RPUSD4: variants seen among roughly 807,000 people sequenced by gnomAD.
RPUSD4 encodes pseudouridylate synthase RPUSD4, mitochondrial.
Under a neutral mutation model 35.4 loss-of-function variants are expected in RPUSD4, and 37 were observed. The ratio of observed to expected loss-of-function variants is 1.04; its 90% CI spans 0.80 to 1.37. The LOEUF (loss-of-function observed/expected upper bound fraction) is 1.37, where lower values mean the gene tolerates loss of function less well. Among genes scored for constraint, RPUSD4 ranks in the 40% most tolerant of loss-of-function variants. The pLI is 0.00. For missense variants in RPUSD4, 507 were observed against 484.9 expected, an observed-to-expected ratio of 1.05 and a Z score of -0.43; for synonymous variants, 210 against 192.7, an observed-to-expected ratio of 1.09 and a Z score of -0.74.
Position 126,204,280 on chromosome 11 carries a change from G to A in RPUSD4, c.845C>T (p.Pro282Leu). ...TGAGTACTTGTGATCACCAAGGATT[G>A]GACAATCCAATCCAAAAGACAAGTG... Reference protein sequence around the residue: ...RVHLSFGLDCPILGDHKYSDW... With the variant: ...RVHLSFGLDCLILGDHKYSDW... Residue 282 changes from proline to leucine, a missense_variant, in exon 6 of 7, where the codon CCA becomes CTA. Physicochemically the swap from Pro to Leu is moderately conservative, Grantham distance 98. Coordinates refer to ENST00000298317, the MANE Select transcript of RPUSD4 (RefSeq NM_032795.3). 6.2e-7 allele frequency: 1 copy of A among 1,613,652 alleles called. No individual in the cohort carries two copies. Among genetic ancestry groups the A allele is most frequent in the Non-Finnish European group, 8.5e-7 (1 of 1,179,912 alleles).
intron 3 of RPUSD4, 104 bp downstream of exon 3, chr11:126,209,417 G>A: frequency 1.1e-6 from 1 of 935,720 alleles, no homozygotes; most frequent in African/African-American, 1.6e-5. Flanking sequence ...GCAGGTCATA[G>A]TGCAGTGCCT....
chr11:126,205,872 T>G, intron 3 of RPUSD4, 91 bp from the exon 4 acceptor site: 1 of 886,862 alleles, frequency 1.1e-6, no homozygotes, highest in Non-Finnish European at 1.7e-6. Flanking sequence ...CTGGACCTTC[T>G]GCACTAACAT....
In RPUSD4 at chr11:126,211,627, G is replaced by A. The variant is rs151233049; in HGVS notation, c.12C>T (p.Pro4=). The change falls in exon 1 of 7, where the codon CCC becomes CCT. Residue 4 remains proline, a synonymous_variant. Coordinates refer to ENST00000298317, the MANE Select transcript of RPUSD4 (RefSeq NM_032795.3). MAA[P]RWSASGPWIR... ...TCCAGGGGCCCGACGCGCTCCACCT[G>A]GGCGCCGCCATCTTACAAGGAAGGG... 7.4e-6 allele frequency: 12 copies of A among 1,612,714 alleles called. No individual in the cohort carries two copies. In the African/African-American group the frequency reaches 1.5e-4, roughly 20 times the overall value.
In RPUSD4 at chr11:126,203,618, G is replaced by A. The variant is rs1359043643; in HGVS notation, c.934C>T (p.Gln312Ter). Residue 312 changes from glutamine to a stop codon, truncating the protein, a stop_gained, in exon 7 of 7, where the codon CAG (glutamine) becomes TAG (stop). Coordinates refer to ENST00000298317, the MANE Select transcript of RPUSD4 (RefSeq NM_032795.3). LOFTEE classifies it low-confidence loss of function (END_TRUNC). ...VGTLKKLGLE[Q>*]SKARYIPLHL... ...AGGGGGATGTAGCGGGCCTTCGACTGTTCTAGCCCCAGCTTCTTCAGGGTG... is the reference window on the plus strand; with the variant it reads ...AGGGGGATGTAGCGGGCCTTCGACTATTCTAGCCCCAGCTTCTTCAGGGTG... The A allele has an allele frequency of 1.9e-6, 3 of 1,613,868 alleles. No individual in the cohort carries two copies. The highest frequency in any genetic ancestry group is 1.7e-5 in the Admixed American group (1 of 60,024).
chr11:126,210,255 G>A (rs1949832090), intron 2 of RPUSD4, among the ~76,000 whole-genome samples: 2 of 152,256 alleles, frequency 1.3e-5, no homozygotes, highest in Non-Finnish European at 1.5e-5. Flanking sequence ...AATAAAGAGA[G>A]AAAAAAATTA....
rs146553416 is a variant in RPUSD4, at chr11:126,203,582, C to A, written c.970G>T (p.Ala324Ser). Residue 324 changes from alanine to serine, a missense_variant, in exon 7 of 7, where the codon GCC (alanine) becomes TCC (serine). By Grantham distance (99) the Ala-to-Ser change is moderately conservative (BLOSUM62 1). Transcript: ENST00000298317. ...KARYIPLHLH[A>S]RQLILPALGS... ...AGGGCAGGCAGGATCAGCTGCCGGG[C>A]GTGCAGGTGAAGGGGGATGTAGCGG... 6.2e-7 allele frequency: 1 copy of A among 1,614,176 alleles called. No homozygotes were observed. The highest frequency in any genetic ancestry group is 8.5e-7 in the Non-Finnish European group (1 of 1,180,028).
Position 126,209,516 on chromosome 11 carries a change from CATA to C in RPUSD4, c.557+2_557+4del. 6.2e-7 allele frequency: 1 copy of C among 1,612,970 alleles called. No homozygotes were observed. The highest frequency in any genetic ancestry group is 8.5e-7 in the Non-Finnish European group (1 of 1,178,910). On this transcript the variant is annotated splice_donor_variant and splice_donor_region_variant and intron_variant, in intron 3 of 6. Coordinates refer to ENST00000298317, the MANE Select transcript of RPUSD4 (RefSeq NM_032795.3). LOFTEE classifies it high-confidence loss of function. The stretch of plus-strand genomic sequence containing the variant: ...CACCTCTACTGCCATCAGCAGGCCT[CATA>C]CCAGTACTTCTTCACCACCTGACGG...
At chr11:126,209,352 T>C (rs1233333194) in intron 3 of RPUSD4, 169 bp downstream of exon 3, 6 of 610,412 alleles carry the variant, frequency 9.8e-6, no homozygotes, top group Middle Eastern at 3.6e-4. Flanking sequence ...ACCACTGTTC[T>C]ATCAGACTTA....
intron 6 of RPUSD4, 85 bp from the exon 7 acceptor site, chr11:126,203,742 C>T: frequency 6.6e-7 from 1 of 1,511,322 alleles, no homozygotes; most frequent in Non-Finnish European, 8.8e-7. Flanking sequence ...CTTCTACTTA[C>T]AGGGAACCAA....
Position 126,204,448 on chromosome 11 carries a change from A to G in RPUSD4, c.797-120T>C, listed in dbSNP as rs1317604189. ...AGTGCAGTAAACTGGCCAAGTCCCAACTATAATAAAGTATAACGAATAATA... is the reference window on the plus strand; with the variant it reads ...AGTGCAGTAAACTGGCCAAGTCCCAGCTATAATAAAGTATAACGAATAATA... On this transcript the variant is annotated intron_variant, in intron 5 of 6. Transcript: ENST00000298317. The G allele has an allele frequency of 7.6e-6, 5 of 657,602 alleles. No homozygotes were observed. In the East Asian group the frequency reaches 1.1e-4, roughly 15 times the overall value. The allele number at this position is 657,602 out of a possible 1,614,324, so 40.7% of individuals were successfully genotyped here.
Position 126,203,763 on chromosome 11 carries a change from C to A in RPUSD4, c.895-106G>T, listed in dbSNP as rs1004127054. On this transcript the variant is annotated intron_variant, in intron 6 of 6. Transcript: ENST00000298317. ...CTTACAGGGAACCAAAACTAACCCCCTGGAAGACACAGTAATGGAGAGTCT... is the reference window on the plus strand; with the variant it reads ...CTTACAGGGAACCAAAACTAACCCCATGGAAGACACAGTAATGGAGAGTCT... The A allele has an allele frequency of 1.2e-5, 16 of 1,386,894 alleles. No individual in the cohort carries two copies. The Admixed American group carries it at 2.1e-4, about 18-fold the overall frequency. 85.9% of individuals were successfully genotyped at this position (1,386,894 alleles called of 1,614,324 possible).
intron 2 of RPUSD4, among the ~76,000 whole-genome samples, chr11:126,210,151 T>G (rs531711685): frequency 5.9e-5 from 9 of 152,228 alleles, no homozygotes; most frequent in Non-Finnish European, 1.2e-4. Flanking sequence ...TTGGACACAT[T>G]ACTTCTCTTT....
intron 1 of RPUSD4, 36 bp from the exon 2 acceptor site, chr11:126,211,091 T>TG (rs1949858785): frequency 6.2e-7 from 1 of 1,607,384 alleles, no homozygotes; most frequent in Non-Finnish European, 8.5e-7. Flanking sequence ...GAATGCCTGG[T>TG]GCGGAAGCCG....
At chr11:126,210,644 C>T (rs1949844664) in intron 2 of RPUSD4, among the ~76,000 whole-genome samples, 1 of 151,856 alleles carries the variant, frequency 6.6e-6, no homozygotes, top group African/African-American at 2.4e-5. Flanking sequence ...ATCTCTACAG[C>T]GATCCCTGTA....
In RPUSD4 at chr11:126,204,448, A is replaced by C. The variant is rs1317604189; in HGVS notation, c.797-120T>G. On this transcript the variant is annotated intron_variant, in intron 5 of 6. Transcript: ENST00000298317. ...AGTGCAGTAAACTGGCCAAGTCCCA[A>C]CTATAATAAAGTATAACGAATAATA... 5 of 657,602 alleles carry C rather than the reference A, an allele frequency of 7.6e-6. No homozygotes were observed. In the East Asian group the frequency reaches 1.1e-4, roughly 15 times the overall value. The allele number at this position is 657,602 out of a possible 1,614,324, so 40.7% of individuals were successfully genotyped here.
chr11:126,210,012 C>T (rs1334257466), intron 2 of RPUSD4, among the ~76,000 whole-genome samples: 4 of 152,302 alleles, frequency 2.6e-5, no homozygotes, highest in Non-Finnish European at 5.9e-5. Context: ...GTGGCTTCCT[C>T]TCAGACATAC....
chr11:126,203,704 C>T (rs1379986220), intron 6 of RPUSD4, 47 bp from the exon 7 acceptor site: 6 of 1,576,762 alleles, frequency 3.8e-6, no homozygotes, highest in Non-Finnish European at 5.2e-6. Flanking sequence ...CAACAGTCCA[C>T]CCTTGACGAA....
rs763351824 is a variant in RPUSD4 at position 126,209,644 on chromosome 11, G to T, written c.434C>A (p.Pro145His). The change falls in exon 3 of 7, where the codon CCC (proline) becomes CAC (histidine). Residue 145 changes from proline to histidine, a missense_variant. Physicochemically the swap from Pro to His is moderately conservative, Grantham distance 77 (BLOSUM62 -2). Transcript: ENST00000298317. The stretch of plus-strand genomic sequence containing the variant: ...GTCCAGCCGGTGGCACAGATGCAAG[G>T]GCTCTGCCTTGTGGCCATGAAGCAT... ...AKMLHGHKAE[P>H]LHLCHRLDKE... 1.9e-6 allele frequency: 3 copies of T among 1,614,158 alleles called. No homozygotes were observed. Among genetic ancestry groups the T allele is most frequent in the Non-Finnish European group, 2.5e-6 (3 of 1,180,028 alleles).
At position 126,202,637 on chromosome 11, in the gene RPUSD4, T is replaced by G. The variant is rs939131244; in HGVS notation, c.*781A>C. 5.9e-5 allele frequency: 9 copies of G among 152,242 alleles called. No homozygotes were observed. Among genetic ancestry groups the G allele is most frequent in the African/African-American group, 2.2e-4 (9 of 41,458 alleles). 9.4% of individuals were successfully genotyped at this position (152,242 alleles called of 1,614,324 possible). On this transcript the variant is annotated 3_prime_UTR_variant, in exon 7 of 7. Coordinates refer to ENST00000298317, the MANE Select transcript of RPUSD4 (RefSeq NM_032795.3). ...AATTCAACCTCTAAGTATTATTTGCTTAGGTGCCTAAGCATCTTTAAAAAT... is the reference window on the plus strand; with the variant it reads ...AATTCAACCTCTAAGTATTATTTGCGTAGGTGCCTAAGCATCTTTAAAAAT...
Sources: allele counts gnomAD v4.1 joint callset (sites outside exome capture counted in the v4.1 genomes callset), GRCh38; gene constraint gnomAD v4.1.1; transcripts MANE v1.5; gene names NCBI Gene and HGNC (gene_info 2026-07-23, HGNC 2026-07-21).